STPG2: variants seen among roughly 807,000 people sequenced by gnomAD.
The protein encoded by STPG2 is sperm-tail PG-rich repeat-containing protein 2.
A neutral mutation model predicts 54.2 loss-of-function variants in STPG2; 56 were observed. The ratio of observed to expected loss-of-function variants is 1.03; its 90% CI spans 0.83 to 1.29. The LOEUF (loss-of-function observed/expected upper bound fraction) is 1.29. STPG2 is among the 50% of genes most tolerant of loss of function. The pLI is 0.00. For missense variants in STPG2, 596 were observed against 544.9 expected (o/e 1.09, Z -0.93); for synonymous variants, 200 against 181.8 (o/e 1.10, Z -0.81).
chr4:98,103,644 AAAAATAAAAT>A (rs138971893), intron 5 of STPG2, among the ~76,000 whole-genome samples: 4 of 148,980 alleles, frequency 2.7e-5, no homozygotes, highest in South Asian at 4.2e-4. Flanking sequence ...TCCATCTCAA[AAAAATAAAAT>A]AAAATAAAAT....
chr4:98,084,297 G>A (rs1738442129), intron 5 of STPG2, among the ~76,000 whole-genome samples: 1 of 152,056 alleles, frequency 6.6e-6, no homozygotes, highest in South Asian at 2.1e-4. Context: ...GTTCTTTATA[G>A]TGCTAAATAG....
chr4:97,554,909 T>C (rs1375961928), downstream of STPG2, among the ~76,000 whole-genome samples: 1 of 152,104 alleles, frequency 6.6e-6, no homozygotes, highest in Non-Finnish European at 1.5e-5. Flanking sequence ...TCACTTGAAA[T>C]AGGCCTTTAT....
At chr4:97,806,042 T>TA (rs1187163646) in intron 9 of STPG2, among the ~76,000 whole-genome samples, 26 of 152,266 alleles carry the variant, frequency 1.7e-4, no homozygotes, top group African/African-American at 6.3e-4. Flanking sequence ...ACCGAAAAGA[T>TA]ACATGCACTG....
chr4:97,921,815 T>C (rs552015986), intron 8 of STPG2, among the ~76,000 whole-genome samples: 1 of 152,262 alleles, frequency 6.6e-6, no homozygotes, highest in African/African-American at 2.4e-5. Flanking sequence ...AAGTGGCACA[T>C]ATATACAATG....
At chr4:97,841,873 A>G (rs1728811442) in intron 8 of STPG2, among the ~76,000 whole-genome samples, 1 of 151,856 alleles carries the variant, frequency 6.6e-6, no homozygotes, top group Admixed American at 6.6e-5. Flanking sequence ...TAAAATGAGT[A>G]AAGTACTTAG....
intron 9 of STPG2, among the ~76,000 whole-genome samples, chr4:97,828,530 T>C (rs968790076): frequency 6.6e-6 from 1 of 151,950 alleles, no homozygotes; most frequent in Non-Finnish European, 1.5e-5. Context: ...CAACTGGAAT[T>C]CCAGCAAGAC....
At chr4:97,546,370 G>C (rs10011487) in intron 4 of STPG2, among the ~76,000 whole-genome samples, 73,541 of 151,716 alleles carry the variant, frequency 0.48, 18,581 homozygotes, top group South Asian at 0.64. Flanking sequence ...GAGTATATTG[G>C]TTCTTAACAA....
At position 97,890,055 on chromosome 4, in the gene STPG2, G is replaced by T. The variant is rs914626238; in HGVS notation, c.1045-49123C>A. Reference sequence around the variant, plus strand: ...TAAAGGCAATCAGTTTTTCCAGATTGGTGGCATAATTCTCAAAAGAGTAAT... The same window carrying T: ...TAAAGGCAATCAGTTTTTCCAGATTTGTGGCATAATTCTCAAAAGAGTAAT... On this transcript the variant is annotated intron_variant, in intron 8 of 10. Transcript: ENST00000295268. Among the ~76,000 whole-genome samples the T allele has an allele frequency of 5.3e-5, 8 of 152,092 alleles. No individual in the cohort carries two copies. The East Asian group carries it at 1.5e-3, about 29-fold the overall frequency.
chr4:97,805,084 C>G (rs1578580434), intron 9 of STPG2, among the ~76,000 whole-genome samples: 1 of 152,156 alleles, frequency 6.6e-6, no homozygotes, highest in East Asian at 1.9e-4. Context: ...CTGAAAATCT[C>G]TGTATTTTAA....
chr4:97,896,186 C>T (rs909379926), intron 8 of STPG2, among the ~76,000 whole-genome samples: 5 of 151,742 alleles, frequency 3.3e-5, no homozygotes, highest in African/African-American at 4.8e-5. Flanking sequence ...TGGGGTTATT[C>T]TCTGGGCCAC....
At chr4:98,018,451 G>T (rs191943755) in intron 5 of STPG2, among the ~76,000 whole-genome samples, 1 of 152,108 alleles carries the variant, frequency 6.6e-6, no homozygotes, top group South Asian at 2.1e-4. Flanking sequence ...AAGTCTTTGC[G>T]ATTGTGAGTA....
At chr4:97,471,445 ATTGCTAATAATTCAATG>A (rs1729926398) in intron 4 of STPG2, among the ~76,000 whole-genome samples, 1 of 152,322 alleles carries the variant, frequency 6.6e-6, no homozygotes, top group African/African-American at 2.4e-5. Context: ...TAATAATGCT[ATTGCTAATAATTCAATG>A]TTTTGCAAAT....
chr4:97,586,788 T>C (rs888324814), intron 10 of STPG2, among the ~76,000 whole-genome samples: 8 of 151,992 alleles, frequency 5.3e-5, no homozygotes, highest in Admixed American at 3.9e-4. Flanking sequence ...TAAAAGAATT[T>C]GTTGCTAATC....
chr4:97,979,439 G>C (rs1407323527), intron 6 of STPG2, among the ~76,000 whole-genome samples: 10 of 152,144 alleles, frequency 6.6e-5, no homozygotes, highest in Non-Finnish European at 1.0e-4. Context: ...TTCCTGAACA[G>C]GAGTGTCTGA....
intron 10 of STPG2, among the ~76,000 whole-genome samples, chr4:97,674,279 A>G (rs1176426634): frequency 4.0e-5 from 6 of 151,118 alleles, no homozygotes; most frequent in African/African-American, 1.5e-4. Flanking sequence ...ATGATACTGA[A>G]AAAAGAGAAG....
At chr4:97,529,269 T>C (rs1434596384) in intron 4 of STPG2, among the ~76,000 whole-genome samples, 2 of 152,214 alleles carry the variant, frequency 1.3e-5, no homozygotes. Context: ...GTTCTGTTCA[T>C]GTGTTGGATT....
At chr4:97,775,982 G>A (rs1279148061) in intron 9 of STPG2, among the ~76,000 whole-genome samples, 2 of 151,990 alleles carry the variant, frequency 1.3e-5, no homozygotes, top group Admixed American at 6.6e-5. Context: ...GACTGGTCTC[G>A]AACTCCTGAC....
intron 5 of STPG2, among the ~76,000 whole-genome samples, chr4:98,038,772 A>C (rs868034572): frequency 2.6e-5 from 4 of 152,206 alleles, no homozygotes; most frequent in Non-Finnish European, 4.4e-5. Flanking sequence ...GGATTAGAAA[A>C]TATTAAACAC....
At chr4:97,984,506 G>A (rs1363128855) in intron 5 of STPG2, among the ~76,000 whole-genome samples, 1 of 152,084 alleles carries the variant, frequency 6.6e-6, no homozygotes, top group Non-Finnish European at 1.5e-5. Context: ...ATCGAAGACT[G>A]ATATAGTCAA....
Sources: allele counts gnomAD v4.1 joint callset (sites outside exome capture counted in the v4.1 genomes callset), GRCh38; gene constraint gnomAD v4.1.1; transcripts MANE v1.5; gene names NCBI Gene and HGNC (gene_info 2026-07-23, HGNC 2026-07-21).